The following MAVS variants were observed in gnomAD, a reference collection of about 807,000 sequenced individuals.
MAVS encodes mitochondrial antiviral signaling protein.
A neutral mutation model predicts 30.2 loss-of-function variants in MAVS; 20 were observed. The ratio of observed to expected loss-of-function variants is 0.66; its 90% CI spans 0.47 to 0.96. The LOEUF (loss-of-function observed/expected upper bound fraction) is 0.96, where lower values mean the gene tolerates loss of function less well. Among genes scored for constraint, MAVS ranks in the 40% least tolerant of loss-of-function variants. The probability of loss-of-function intolerance (pLI) is 0.00; values close to 1 mark genes in which losing one functional copy is unlikely to be tolerated. For synonymous variants in MAVS, 278 were observed against 293.9 expected (o/e 0.95, Z 0.55); for missense variants, 624 against 701.1 (o/e 0.89, Z 1.24).
chr20:3,871,056 T>C lies in MAVS; in HGVS notation c.*4909T>C, dbSNP rs2089951771. On this transcript the variant is annotated 3_prime_UTR_variant, in exon 7 of 7. Coordinates refer to ENST00000428216, the MANE Select transcript of MAVS (RefSeq NM_020746.5). ...CCACCACACCTGGCTAATTTTCGTA[T>C]TTTTGTTAGAGATGGGGTTTCACCA... The C allele has an allele frequency of 1.3e-5, 2 of 153,226 alleles. No individual in the cohort carries two copies. Among genetic ancestry groups the C allele is most frequent in the Non-Finnish European group, 2.9e-5 (2 of 68,066 alleles). 9.5% of individuals were successfully genotyped at this position (153,226 alleles called of 1,614,324 possible). A position where few individuals can be genotyped will look rare whatever the true frequency, so the allele number is the denominator to read the frequency against.
At chr20:3,864,165 A>C in intron 5 of MAVS, 91 bp from the exon 6 acceptor site, 5 of 1,368,600 alleles carry the variant, frequency 3.7e-6, no homozygotes, top group Non-Finnish European at 5.0e-6. Context: ...CACAGTAGGG[A>C]CCATGAGATC....
rs556567121 is a variant in MAVS at position 3,850,149 on chromosome 20, C to G, written c.-68+3246C>G. On this transcript the variant is annotated intron_variant, in intron 1 of 6. Transcript: ENST00000428216. ...AAAATTAGCCGAGCGTGGTAGCAGG[C>G]GCCTGTAGTCCCAGCTACTTGGGAG... Among the ~76,000 whole-genome samples the G allele has an allele frequency of 3.2e-4, 48 of 151,284 alleles. No homozygotes were observed. The East Asian group carries it at 9.2e-3, about 29-fold the overall frequency.
chr20:3,859,900 T>C (rs1162438375), intron 3 of MAVS, among the ~76,000 whole-genome samples: 1 of 151,650 alleles, frequency 6.6e-6, no homozygotes, highest in Non-Finnish European at 1.5e-5. Context: ...CACTGCAAGC[T>C]CCGCCTCCCG....
rs1408146577 is a variant in MAVS at position 3,872,923 on chromosome 20, A to G, written c.*6776A>G. On this transcript the variant is annotated 3_prime_UTR_variant, in exon 7 of 7. Transcript: ENST00000428216. Reference sequence around the variant, plus strand: ...CCCGATGAGCCCCCTCCCACCACCCACCAGTACAGTAGGGGGTGGTTTAAT... The same window carrying G: ...CCCGATGAGCCCCCTCCCACCACCCGCCAGTACAGTAGGGGGTGGTTTAAT... 1 of 152,296 alleles carries G rather than the reference A, an allele frequency of 6.6e-6. No homozygotes were observed. Among genetic ancestry groups the G allele is most frequent in the Non-Finnish European group, 1.5e-5 (1 of 68,052 alleles). 9.4% of individuals were successfully genotyped at this position (152,296 alleles called of 1,614,324 possible). A position where few individuals can be genotyped will look rare whatever the true frequency, so the allele number is the denominator to read the frequency against.
intron 1 of MAVS, among the ~76,000 whole-genome samples, chr20:3,849,682 G>A (rs2089741312): frequency 6.6e-6 from 1 of 152,176 alleles, no homozygotes; most frequent in South Asian, 2.1e-4. Flanking sequence ...AGGCTTCTTT[G>A]ACCCCCTAGT....
chr20:3,847,383 C>T (rs190971459), intron 1 of MAVS, among the ~76,000 whole-genome samples: 1 of 152,176 alleles, frequency 6.6e-6, no homozygotes, highest in Admixed American at 6.5e-5. Flanking sequence ...CCCAGGAATC[C>T]GATCCAAGGC....
At chr20:3,859,038 G>A (rs1358627484) in intron 3 of MAVS, among the ~76,000 whole-genome samples, 2 of 151,930 alleles carry the variant, frequency 1.3e-5, no homozygotes, top group South Asian at 2.1e-4. Flanking sequence ...GGGCTGAAGC[G>A]ATCGGCCTCC....
At chr20:3,850,144 G>A (rs2089745027) in intron 1 of MAVS, among the ~76,000 whole-genome samples, 1 of 151,630 alleles carries the variant, frequency 6.6e-6, no homozygotes, top group Non-Finnish European at 1.5e-5. Flanking sequence ...GAGCGTGGTA[G>A]CAGGCGCCTG....
In MAVS at chr20:3,851,990, C is replaced by CTTTTTTTTTTTTTTTTTT. The variant is rs770960832; in HGVS notation, c.-67-2551_-67-2550insTTTTTTTTTTTTTTTTTT. Among the ~76,000 whole-genome samples, 22 of 80,450 alleles carry CTTTTTTTTTTTTTTTTTT rather than the reference C, an allele frequency of 2.7e-4. 2 individuals are homozygous for CTTTTTTTTTTTTTTTTTT. Among genetic ancestry groups the CTTTTTTTTTTTTTTTTTT allele is most frequent in the South Asian group, 1.8e-3 (5 of 2,746 alleles). The allele number at this position is 80,450 out of a possible 152,430, so 52.8% of individuals were successfully genotyped here. On this transcript the variant is annotated intron_variant, in intron 1 of 6. Transcript: ENST00000428216. Reference sequence around the variant, plus strand: ...AAAAAAAGAATGTATGTGTAGCAGGCTTTTTTTTTTTTTTTTTCCCCCGAG... The same window carrying CTTTTTTTTTTTTTTTTTT: ...AAAAAAAGAATGTATGTGTAGCAGGCTTTTTTTTTTTTTTTTTTTTTTTTTTTTTTTTTTTCCCCCGAG...
rs755069798 is a variant in MAVS at position 3,875,894 on chromosome 20, C to T, written c.*9747C>T. The T allele has an allele frequency of 6.6e-6, 1 of 152,340 alleles. No individual in the cohort carries two copies. The highest frequency in any genetic ancestry group is 1.5e-5 in the Non-Finnish European group (1 of 68,046). 9.4% of individuals were successfully genotyped at this position (152,340 alleles called of 1,614,324 possible). ...GACGCTATCTTCCAGTTAATCACTT[C>T]GCTTGTATTTAACATAAGAAAGAAA... On this transcript the variant is annotated 3_prime_UTR_variant, in exon 7 of 7. Coordinates refer to ENST00000428216, the MANE Select transcript of MAVS (RefSeq NM_020746.5).
intron 3 of MAVS, among the ~76,000 whole-genome samples, chr20:3,861,022 T>C (rs2089862096): frequency 6.9e-6 from 1 of 145,750 alleles, no homozygotes; most frequent in South Asian, 2.2e-4. Flanking sequence ...AGACGGAGTC[T>C]CGCTCTGTCG....
rs568619695 is a variant in MAVS at position 3,874,592 on chromosome 20, T to TG, written c.*8452dup. 1.5e-3 allele frequency: 257 copies of TG among 176,598 alleles called. 2 individuals are homozygous for TG. Among genetic ancestry groups the TG allele is most frequent in the African/African-American group, 5.8e-3 (245 of 42,178 alleles). The allele number at this position is 176,598 out of a possible 1,614,324, so 10.9% of individuals were successfully genotyped here. A position where few individuals can be genotyped will look rare whatever the true frequency, so the allele number is the denominator to read the frequency against. Reference sequence around the variant, plus strand: ...AACTGGAGGGGCATCTTTGGTTGGTTGGGGGGGTATATTTGGCTTTCTCTG... The same window carrying TG: ...AACTGGAGGGGCATCTTTGGTTGGTTGGGGGGGGTATATTTGGCTTTCTCTG... On this transcript the variant is annotated 3_prime_UTR_variant, in exon 7 of 7. Coordinates refer to ENST00000428216, the MANE Select transcript of MAVS (RefSeq NM_020746.5).
At chr20:3,860,235 C>T (rs1238934997) in intron 3 of MAVS, among the ~76,000 whole-genome samples, 1 of 148,966 alleles carries the variant, frequency 6.7e-6, no homozygotes, top group Non-Finnish European at 1.5e-5. Flanking sequence ...ACCCCCAATT[C>T]CTTTTTTTTT....
chr20:3,847,794 G>A (rs114158619), intron 1 of MAVS, among the ~76,000 whole-genome samples: 1,654 of 152,280 alleles, frequency 0.011, 37 homozygotes, highest in African/African-American at 0.038. Context: ...GCCCTGCAAG[G>A]TGTATGACCA....
At chr20:3,854,452 A>G in intron 1 of MAVS, 106 bp from the exon 2 acceptor site, 1 of 411,834 alleles carries the variant, frequency 2.4e-6, no homozygotes, top group Non-Finnish European at 4.2e-6. Flanking sequence ...GAAATTAAAG[A>G]TGAAAGAAAA....
chr20:3,854,436 AAAG>A (rs1380830972), intron 1 of MAVS, 119 bp from the exon 2 acceptor site: 13 of 383,070 alleles, frequency 3.4e-5, no homozygotes, highest in Non-Finnish European at 5.5e-5. Flanking sequence ...AAAAAAAAAA[AAAG>A]AAGAAATTAA....
Position 3,866,338 on chromosome 20 carries a change from G to A in MAVS, c.*191G>A, listed in dbSNP as rs907984842. 13 of 611,418 alleles carry A rather than the reference G, an allele frequency of 2.1e-5. No individual in the cohort carries two copies. Among genetic ancestry groups the A allele is most frequent in the Non-Finnish European group, 3.4e-5 (12 of 357,060 alleles). The allele number at this position is 611,418 out of a possible 1,614,324, so 37.9% of individuals were successfully genotyped here. On this transcript the variant is annotated 3_prime_UTR_variant, in exon 7 of 7. Coordinates refer to ENST00000428216, the MANE Select transcript of MAVS (RefSeq NM_020746.5). ...CTGAGAGCAGCATCTCTGTCCCCAC[G>A]GTGCCTTGTGTGGGTCCCCGTCCTT...
rs768731417 is a variant in MAVS, at chr20:3,864,331, C to A, written c.701C>A (p.Thr234Asn). 46 of 1,613,840 alleles carry A rather than the reference C, an allele frequency of 2.9e-5. No homozygotes were observed. Among genetic ancestry groups the A allele is most frequent in the Non-Finnish European group, 3.8e-5 (45 of 1,180,018 alleles). ...TCCTTCCAGCCCCTGGCCCGTTCCA[C>A]CCCCAGGGCAAGCCGCTTGCCTGGA... ...SVSFQPLARSTPRASRLPGPT... is the reference protein window; with the variant it reads ...SVSFQPLARSNPRASRLPGPT... Residue 234 changes from threonine (T) to asparagine (N), a missense_variant, in exon 6 of 7, where the codon ACC becomes AAC. Transcript: ENST00000428216.
chr20:3,854,896 T>C (rs913518072), intron 2 of MAVS, among the ~76,000 whole-genome samples, 155 bp downstream of exon 2: 3 of 148,388 alleles, frequency 2.0e-5, no homozygotes, highest in South Asian at 2.2e-4. Flanking sequence ...CTTTTCTTTT[T>C]TTTTTTTTTT....
Sources: gnomAD v4.1 joint callset for allele counts (sites outside exome capture counted in the v4.1 genomes callset) on GRCh38, gnomAD v4.1.1 for gene constraint, MANE v1.5 for transcripts, NCBI Gene and HGNC (gene_info 2026-07-23, HGNC 2026-07-21) for gene names.